OXR1: variants seen among roughly 807,000 people sequenced by gnomAD.
OXR1 encodes the protein oxidation resistance 1, also known as oxidation resistance protein 1.
Under a neutral mutation model 104.6 loss-of-function variants are expected in OXR1, and 41 were observed. The observed-to-expected ratio is 0.39, with a 90% confidence interval of 0.31 to 0.51. The LOEUF is 0.51. OXR1 is among the 20% of genes least tolerant of loss of function. OXR1 has a pLI of 0.77. For missense variants in OXR1, 955 were observed against 1,031.9 expected (o/e 0.93, Z 1.02); for synonymous variants, 348 against 348.4 (o/e 1.00, Z 0.01).
chr8:106,292,458 A>G (rs1812793254), intron 1 of OXR1, among the ~76,000 whole-genome samples: 1 of 152,162 alleles, frequency 6.6e-6, no homozygotes, highest in Non-Finnish European at 1.5e-5. Flanking sequence ...GTGATGAGTG[A>G]CTAGTTAAGA....
chr8:106,704,341 G>A, intron 8 of OXR1, among the ~76,000 whole-genome samples: 1 of 149,126 alleles, frequency 6.7e-6, no homozygotes, highest in East Asian at 2.0e-4. Context: ...AGTCATTGGT[G>A]AGATTCTGTT....
At chr8:106,410,096 A>G (rs1205546007) in intron 2 of OXR1, among the ~76,000 whole-genome samples, 1 of 152,156 alleles carries the variant, frequency 6.6e-6, no homozygotes, top group Non-Finnish European at 1.5e-5. Flanking sequence ...TATTATTTCA[A>G]TAACAATCTG....
chr8:106,458,983 T>A (rs541283641), intron 2 of OXR1, among the ~76,000 whole-genome samples: 1 of 152,252 alleles, frequency 6.6e-6, no homozygotes, highest in East Asian at 1.9e-4. Flanking sequence ...CCATATCTGA[T>A]TTAGATGAGA....
At chr8:106,295,442 T>C (rs1812953194) in intron 1 of OXR1, among the ~76,000 whole-genome samples, 1 of 152,160 alleles carries the variant, frequency 6.6e-6, no homozygotes, top group Admixed American at 6.6e-5. Context: ...TATTATAATG[T>C]ATACATATAA....
At chr8:106,464,069 T>C (rs1821053391) in intron 2 of OXR1, among the ~76,000 whole-genome samples, 1 of 149,852 alleles carries the variant, frequency 6.7e-6, no homozygotes, top group Non-Finnish European at 1.5e-5. Context: ...TACTTATTTA[T>C]TAATTTTATT....
chr8:106,595,448 G>T (rs554607783), intron 3 of OXR1, among the ~76,000 whole-genome samples: 1 of 151,468 alleles, frequency 6.6e-6, no homozygotes, highest in South Asian at 2.1e-4. Context: ...TACCCATGAG[G>T]CTGAGGCAGG....
At chr8:106,527,302 C>G (rs1485524937) in intron 3 of OXR1, among the ~76,000 whole-genome samples, 2 of 152,160 alleles carry the variant, frequency 1.3e-5, no homozygotes. Context: ...GGTACCTGCT[C>G]TCATGGAGCT....
In OXR1 at chr8:106,713,806, G is replaced by T; in HGVS notation, c.1794-17G>T. On this transcript the variant is annotated splice_polypyrimidine_tract_variant and intron_variant, in intron 10 of 16. Coordinates refer to ENST00000517566, the MANE Select transcript of OXR1 (RefSeq NM_001198533.2). ...GCACAGAATACTAGGTATATTAATA[G>T]TCACTTCTCCTAACAGGACAGATCA... 6.8e-7 allele frequency: 1 copy of T among 1,475,866 alleles called. No individual in the cohort carries two copies. Among genetic ancestry groups the T allele is most frequent in the Non-Finnish European group, 9.0e-7 (1 of 1,112,192 alleles). 91.4% of individuals were successfully genotyped at this position (1,475,866 alleles called of 1,614,324 possible).
intron 3 of OXR1, among the ~76,000 whole-genome samples, chr8:106,520,134 G>A (rs1359095758): frequency 1.3e-5 from 2 of 152,152 alleles, no homozygotes; most frequent in African/African-American, 4.8e-5. Context: ...ATCAAAGAGG[G>A]CCTGTTTTCT....
At chr8:106,596,957 G>A (rs150915410) in intron 3 of OXR1, among the ~76,000 whole-genome samples, 2,516 of 152,184 alleles carry the variant, frequency 0.017, 74 homozygotes, top group African/African-American at 0.056. Context: ...GGAGGCTGAG[G>A]CAGGAGTATG....
rs191940941 is a variant in OXR1 at position 106,358,245 on chromosome 8, C to A, written c.-138-1231C>A. On this transcript the variant is annotated intron_variant, in intron 1 of 16. Coordinates refer to ENST00000517566, the MANE Select transcript of OXR1 (RefSeq NM_001198533.2). ...TCCTTCCCTGGTGTCCATGGAGTTG[C>A]CATATATGCCTTGGCCTTCTCAGGT... is the stretch of plus-strand genomic sequence containing the variant. Among the ~76,000 whole-genome samples the A allele has an allele frequency of 4.9e-4, 74 of 152,264 alleles. 1 individual carries two copies. The highest frequency in any genetic ancestry group is 6.8e-3 in the Middle Eastern group (2 of 294).
At chr8:106,466,046 C>T (rs1488483069) in intron 2 of OXR1, among the ~76,000 whole-genome samples, 2 of 151,990 alleles carry the variant, frequency 1.3e-5, no homozygotes, top group African/African-American at 4.8e-5. Flanking sequence ...TACTGACCTA[C>T]TTCTATACCT....
At chr8:106,413,076 GT>G (rs746352342) in intron 2 of OXR1, among the ~76,000 whole-genome samples, 2 of 151,838 alleles carry the variant, frequency 1.3e-5, no homozygotes, top group African/African-American at 4.8e-5. Context: ...AGGAAAATTT[GT>G]TTTATACAAG....
chr8:106,589,210 G>T (rs1243596906), intron 3 of OXR1, among the ~76,000 whole-genome samples: 1 of 152,294 alleles, frequency 6.6e-6, no homozygotes, highest in East Asian at 1.9e-4. Flanking sequence ...GGCAGATGTG[G>T]GTTGTAAAAT....
chr8:106,728,429 TGTA>T (rs1000384590), intron 11 of OXR1, among the ~76,000 whole-genome samples: 5 of 152,120 alleles, frequency 3.3e-5, no homozygotes, highest in Admixed American at 2.6e-4. Context: ...TGCCTATGTA[TGTA>T]GTATCACATG....
intron 9 of OXR1, among the ~76,000 whole-genome samples, chr8:106,708,695 C>G (rs567719597): frequency 9.2e-5 from 14 of 152,182 alleles, no homozygotes; most frequent in African/African-American, 3.1e-4. Context: ...TTGGTTGTTT[C>G]AACCTTTTGG....
chr8:106,469,795 AG>A (rs1821386666), intron 2 of OXR1, among the ~76,000 whole-genome samples: 1 of 151,858 alleles, frequency 6.6e-6, no homozygotes, highest in Admixed American at 6.6e-5. Context: ...AGCCTGAAAT[AG>A]GCATCTGGAG....
intron 2 of OXR1, among the ~76,000 whole-genome samples, chr8:106,377,519 C>T (rs76277978): frequency 0.025 from 3,824 of 152,170 alleles, 166 homozygotes; most frequent in African/African-American, 0.087. Context: ...TTATATTTGA[C>T]GCAATCAGGG....
At chr8:106,631,779 CAT>C (rs1822708253) in intron 3 of OXR1, among the ~76,000 whole-genome samples, 1 of 152,090 alleles carries the variant, frequency 6.6e-6, no homozygotes, top group African/African-American at 2.4e-5. Context: ...CTAATAAGGT[CAT>C]ACAGATGTTC....
Sources: gnomAD v4.1 joint callset for allele counts (sites outside exome capture counted in the v4.1 genomes callset) on GRCh38, gnomAD v4.1.1 for gene constraint, MANE v1.5 for transcripts, NCBI Gene and HGNC (gene_info 2026-07-23, HGNC 2026-07-21) for gene names.